Variants in TBC1D9 observed in about 807,000 individuals in gnomAD.
TBC1D9 encodes TBC1 domain family member 9A.
A neutral mutation model predicts 132.0 loss-of-function variants in TBC1D9; 63 were observed. The ratio of observed to expected loss-of-function variants is 0.48; its 90% confidence interval spans 0.39 to 0.59. TBC1D9 has a LOEUF of 0.59. TBC1D9 is among the 20% of genes least tolerant of loss of function. The pLI is 0.00. For missense variants in TBC1D9, 1,261 were observed against 1,592.7 expected (o/e 0.79, Z 3.54); for synonymous variants, 610 against 609.9 (o/e 1.00, Z 0.00).
chr4:140,693,199 G>A (rs1437332065), intron 2 of TBC1D9, among the ~76,000 whole-genome samples: 1 of 152,140 alleles, frequency 6.6e-6, no homozygotes, highest in Non-Finnish European at 1.5e-5. Flanking sequence ...CTGGGCTCAA[G>A]TGATCTTCCC....
At chr4:140,624,282 G>A in intron 19 of TBC1D9, 32 bp downstream of exon 19, 1 of 1,611,834 alleles carries the variant, frequency 6.2e-7, no homozygotes, top group Non-Finnish European at 8.5e-7. Context: ...CAACCAGCAA[G>A]AAGGTAAACA....
chr4:140,649,641 C>T (rs539720623), intron 13 of TBC1D9, among the ~76,000 whole-genome samples: 201 of 152,286 alleles, frequency 1.3e-3, no homozygotes, highest in African/African-American at 4.6e-3. Context: ...CCCACACACT[C>T]CCCCTTGACT....
chr4:140,687,343 C>T (rs1479218468), intron 2 of TBC1D9, among the ~76,000 whole-genome samples: 58 of 37,882 alleles, frequency 1.5e-3, no homozygotes, highest in Non-Finnish European at 2.8e-3. Context: ...GTGTGTGTGT[C>T]ATATATATAT....
At chr4:140,639,226 C>A (rs1736924875) in intron 14 of TBC1D9, 72 bp from the exon 15 acceptor site, 1 of 1,481,282 alleles carries the variant, frequency 6.8e-7, no homozygotes, top group South Asian at 1.2e-5. Context: ...CCTAATTTTT[C>A]CCTTTCAAAT....
At chr4:140,740,152 C>A (rs572229081) in intron 1 of TBC1D9, among the ~76,000 whole-genome samples, 1 of 152,146 alleles carries the variant, frequency 6.6e-6, no homozygotes, top group Non-Finnish European at 1.5e-5. Context: ...AATCTCTAGA[C>A]CCCTGAACTT....
At chr4:140,652,862 C>T (rs1294293678) in intron 13 of TBC1D9, among the ~76,000 whole-genome samples, 1 of 152,166 alleles carries the variant, frequency 6.6e-6, no homozygotes, top group African/African-American at 2.4e-5. Flanking sequence ...GTTTTATTAG[C>T]CACATCCTTT....
At chr4:140,696,537 C>A (rs1373200073) in intron 2 of TBC1D9, among the ~76,000 whole-genome samples, 1 of 151,656 alleles carries the variant, frequency 6.6e-6, no homozygotes, top group African/African-American at 2.4e-5. Flanking sequence ...GGTACCTCCA[C>A]CCCGCTTTCT....
At chr4:140,750,606 A>AC (rs1738909114) in intron 1 of TBC1D9, among the ~76,000 whole-genome samples, 1 of 152,112 alleles carries the variant, frequency 6.6e-6, no homozygotes, top group Non-Finnish European at 1.5e-5. Context: ...ACCTCTACAC[A>AC]GAAAACTATA....
intron 1 of TBC1D9, among the ~76,000 whole-genome samples, chr4:140,754,755 G>C (rs1198831030): frequency 1.3e-5 from 2 of 151,028 alleles, no homozygotes; most frequent in African/African-American, 2.4e-5. Flanking sequence ...TCACTAGTAA[G>C]TATTTCCAGA....
intron 1 of TBC1D9, among the ~76,000 whole-genome samples, chr4:140,732,249 GATATTATACCTT>G (rs1738605318): frequency 6.6e-6 from 1 of 152,154 alleles, no homozygotes; most frequent in African/African-American, 2.4e-5. Context: ...AGGTATGGGA[GATATTATACCTT>G]AATCTTCTCC....
chr4:140,663,071 C>T (rs1737389872), intron 9 of TBC1D9, among the ~76,000 whole-genome samples: 1 of 152,098 alleles, frequency 6.6e-6, no homozygotes, highest in African/African-American at 2.4e-5. Context: ...TAGCATCAAA[C>T]TAAAAAGCTC....
At position 140,686,466 on chromosome 4, in the gene TBC1D9, T is replaced by C. The variant is rs1363930276; in HGVS notation, c.242-4A>G. The C allele has an allele frequency of 6.5e-7, 1 of 1,542,814 alleles. No homozygotes were observed. Among genetic ancestry groups the C allele is most frequent in the Admixed American group, 1.9e-5 (1 of 53,942 alleles). ...GTGATTTCTTTCCTGGAACCACCTG[T>C]ACAAATGAAAATAATAATTCATGTC... On this transcript the variant is annotated splice_polypyrimidine_tract_variant and splice_region_variant and intron_variant, in intron 2 of 20. Transcript: ENST00000442267.
chr4:140,672,821 A>AAC (rs1278141002), intron 6 of TBC1D9, among the ~76,000 whole-genome samples: 2 of 152,180 alleles, frequency 1.3e-5, no homozygotes, highest in Non-Finnish European at 2.9e-5. Flanking sequence ...ACTGCAACTT[A>AAC]ATCAAGTCTT....
At chr4:140,636,883 G>A (rs552721718) in intron 15 of TBC1D9, among the ~76,000 whole-genome samples, 8 of 152,184 alleles carry the variant, frequency 5.3e-5, no homozygotes, top group Non-Finnish European at 8.8e-5. Context: ...CACCAACCGA[G>A]TCTCAGGTTC....
chr4:140,650,264 A>G (rs762769649), intron 13 of TBC1D9, among the ~76,000 whole-genome samples: 5 of 152,250 alleles, frequency 3.3e-5, no homozygotes, highest in Non-Finnish European at 5.9e-5. Context: ...TCCATGATGA[A>G]TATTGTTTGG....
At chr4:140,665,849 A>T (rs935187146) in intron 9 of TBC1D9, among the ~76,000 whole-genome samples, 1 of 151,958 alleles carries the variant, frequency 6.6e-6, no homozygotes, top group Non-Finnish European at 1.5e-5. Context: ...GCTAGTTAAA[A>T]AAAAAATTTT....
At chr4:140,716,742 T>C (rs1466783515) in intron 1 of TBC1D9, among the ~76,000 whole-genome samples, 1 of 152,024 alleles carries the variant, frequency 6.6e-6, no homozygotes. Context: ...TTTTATATTA[T>C]TGATTAGTGA....
At chr4:140,663,601 C>T (rs886760351) in intron 9 of TBC1D9, among the ~76,000 whole-genome samples, 35 of 152,106 alleles carry the variant, frequency 2.3e-4, no homozygotes, top group Admixed American at 1.5e-3. Flanking sequence ...ATGTTTATTG[C>T]AGCATTTTCA....
intron 1 of TBC1D9, among the ~76,000 whole-genome samples, chr4:140,711,550 C>A (rs78185967): frequency 0.044 from 6,712 of 152,200 alleles, 340 homozygotes; most frequent in African/African-American, 0.12. Context: ...ATTCAACTGC[C>A]AATAATTGAG....
Sources: allele counts gnomAD v4.1 joint callset (sites outside exome capture counted in the v4.1 genomes callset), GRCh38; gene constraint gnomAD v4.1.1; transcripts MANE v1.5; gene names NCBI Gene and HGNC (gene_info 2026-07-23, HGNC 2026-07-21).